ZDHHC20: variants seen among roughly 807,000 people sequenced by gnomAD.
ZDHHC20 encodes zDHHC palmitoyltransferase 20.
A neutral mutation model predicts 57.8 loss-of-function variants in ZDHHC20; 43 were observed. The observed-to-expected ratio is 0.74, with a 90% CI of 0.58 to 0.96. The LOEUF is 0.96. Ranked by LOEUF, ZDHHC20 falls within the 40% of genes least tolerant of loss-of-function variation. The pLI, the probability that ZDHHC20 is intolerant of heterozygous loss-of-function variation, is 0.00. For missense variants in ZDHHC20, 391 were observed against 441.1 expected, an observed-to-expected ratio of 0.89 and a Z score of 1.02; for synonymous variants, 157 against 153.0, an observed-to-expected ratio of 1.03 and a Z score of -0.19.
chr13:21,414,078 TA>T (rs1566089530), intron 3 of ZDHHC20, among the ~76,000 whole-genome samples: 1 of 152,166 alleles, frequency 6.6e-6, no homozygotes, highest in African/African-American at 2.4e-5. Flanking sequence ...TCTCCATTAG[TA>T]AAAATTTTAG....
chr13:21,436,055 A>G (rs1882508093), intron 1 of ZDHHC20, among the ~76,000 whole-genome samples: 1 of 152,252 alleles, frequency 6.6e-6, no homozygotes, highest in African/African-American at 2.4e-5. Flanking sequence ...ACCTTGGGTG[A>G]TATGAGTCAT....
chr13:21,429,023 T>C (rs1881617444), intron 1 of ZDHHC20, among the ~76,000 whole-genome samples: 2 of 152,206 alleles, frequency 1.3e-5, no homozygotes, highest in Admixed American at 6.5e-5. Flanking sequence ...ACAACATTAA[T>C]TTATGGTTCT....
chr13:21,437,695 ATT>A (rs36073800), intron 1 of ZDHHC20, among the ~76,000 whole-genome samples: 52 of 148,010 alleles, frequency 3.5e-4, no homozygotes, highest in Non-Finnish European at 4.0e-4. Flanking sequence ...GCTTTACTGA[ATT>A]TTTTTTTTTT....
chr13:21,376,609 C>A lies in ZDHHC20; in HGVS notation c.*87G>T. ...GTTATTTCATTCCACTGATCATTTT[C>A]TTGCAAATGAAAATTGAAAATACCA... is the stretch of plus-strand genomic sequence containing the variant. On this transcript the variant is annotated 3_prime_UTR_variant, in exon 13 of 13. Coordinates refer to ENST00000400590, the MANE Select transcript of ZDHHC20 (RefSeq NM_001330059.2). The A allele has an allele frequency of 7.3e-7, 1 of 1,370,600 alleles. No homozygotes were observed. The highest frequency in any genetic ancestry group is 1.4e-5 in the South Asian group (1 of 70,864). The allele number at this position is 1,370,600 out of a possible 1,614,324, so 84.9% of individuals were successfully genotyped here. A position where few individuals can be genotyped will look rare whatever the true frequency, so the allele number is the denominator to read the frequency against.
At chr13:21,448,289 C>T (rs1884017408) in intron 1 of ZDHHC20, among the ~76,000 whole-genome samples, 1 of 89,322 alleles carries the variant, frequency 1.1e-5, no homozygotes, top group African/African-American at 3.7e-5. Flanking sequence ...GCCCCTCTGC[C>T]CGGCCAGCCG....
intron 1 of ZDHHC20, among the ~76,000 whole-genome samples, chr13:21,427,645 C>A (rs926119117): frequency 6.6e-6 from 1 of 151,988 alleles, no homozygotes; most frequent in Non-Finnish European, 1.5e-5. Context: ...ACCAGCCTGA[C>A]CAACATGGTG....
chr13:21,440,558 C>A (rs931939442), intron 1 of ZDHHC20, among the ~76,000 whole-genome samples: 4 of 152,038 alleles, frequency 2.6e-5, no homozygotes, highest in African/African-American at 4.8e-5. Flanking sequence ...TTGCAGTGAG[C>A]CGAGATCATG....
At chr13:21,389,075 C>T (rs1021879643) in intron 8 of ZDHHC20, among the ~76,000 whole-genome samples, 5 of 152,126 alleles carry the variant, frequency 3.3e-5, no homozygotes, top group Non-Finnish European at 7.4e-5. Context: ...CTCTTCAGTT[C>T]TAAGCGATTA....
intron 5 of ZDHHC20, 60 bp from the exon 6 acceptor site, chr13:21,401,745 T>C: frequency 1.4e-6 from 2 of 1,418,314 alleles, no homozygotes; most frequent in Non-Finnish European, 1.9e-6. Context: ...TTCTAACTTC[T>C]CATAATTTTC....
In ZDHHC20 at chr13:21,376,618, G is replaced by T; in HGVS notation, c.*78C>A. ...TTCCACTGATCATTTTCTTGCAAAT[G>T]AAAATTGAAAATACCAGTCTATAAT... is the stretch of plus-strand genomic sequence containing the variant. On this transcript the variant is annotated 3_prime_UTR_variant, in exon 13 of 13. Coordinates refer to ENST00000400590, the MANE Select transcript of ZDHHC20 (RefSeq NM_001330059.2). 1.5e-6 allele frequency: 2 copies of T among 1,374,976 alleles called. No homozygotes were observed. The highest frequency in any genetic ancestry group is 2.8e-5 in the South Asian group (2 of 70,972). 85.2% of individuals were successfully genotyped at this position (1,374,976 alleles called of 1,614,324 possible). A position where few individuals can be genotyped will look rare whatever the true frequency, so the allele number is the denominator to read the frequency against.
At chr13:21,379,447 A>G (rs1414960813) in intron 11 of ZDHHC20, among the ~76,000 whole-genome samples, 1 of 151,808 alleles carries the variant, frequency 6.6e-6, no homozygotes, top group Admixed American at 6.6e-5. Flanking sequence ...AGGCCTAGAA[A>G]ATTTTTTTCC....
intron 4 of ZDHHC20, among the ~76,000 whole-genome samples, chr13:21,404,984 A>G (rs1321149304): frequency 6.6e-6 from 1 of 152,214 alleles, no homozygotes; most frequent in Non-Finnish European, 1.5e-5. Flanking sequence ...GTTAATATTT[A>G]GCTATTTGAT....
chr13:21,424,780 T>A (rs924837192), intron 2 of ZDHHC20, among the ~76,000 whole-genome samples: 15 of 151,824 alleles, frequency 9.9e-5, no homozygotes, highest in African/African-American at 3.6e-4. Context: ...AAGTTAAAAG[T>A]TCTTTTATAA....
chr13:21,391,012 A>G (rs1052916299), intron 8 of ZDHHC20, among the ~76,000 whole-genome samples: 1 of 152,108 alleles, frequency 6.6e-6, no homozygotes, highest in East Asian at 1.9e-4. Context: ...AACTTCCTTA[A>G]AGCATGTAAA....
At chr13:21,410,314 G>A (rs1249634301) in intron 4 of ZDHHC20, among the ~76,000 whole-genome samples, 2 of 152,204 alleles carry the variant, frequency 1.3e-5, no homozygotes, top group African/African-American at 4.8e-5. Flanking sequence ...TGTATGAGGT[G>A]TCTCCCAGTC....
intron 3 of ZDHHC20, among the ~76,000 whole-genome samples, chr13:21,415,665 G>C (rs187239691): frequency 6.6e-6 from 1 of 152,132 alleles, no homozygotes; most frequent in African/African-American, 2.4e-5. Flanking sequence ...TCTTTTAAGA[G>C]AATTTTAACT....
Position 21,459,281 on chromosome 13 carries a change from T to C in ZDHHC20, c.-110A>G. 1.3e-6 allele frequency: 1 copy of C among 774,016 alleles called. No homozygotes were observed. Among genetic ancestry groups the C allele is most frequent in the Non-Finnish European group, 2.0e-6 (1 of 511,562 alleles). The allele number at this position is 774,016 out of a possible 1,614,324, so 47.9% of individuals were successfully genotyped here. ...CGGCTGCTGGTCCAGCTCCCCCGCC[T>C]CCGAGGCAGGACTTGTGGGAGCAAA... On this transcript the variant is annotated 5_prime_UTR_variant, in exon 1 of 13. Transcript: ENST00000400590.
At chr13:21,458,451 T>C (rs1222561337) in intron 1 of ZDHHC20, among the ~76,000 whole-genome samples, 4 of 151,850 alleles carry the variant, frequency 2.6e-5, no homozygotes, top group Admixed American at 2.0e-4. Flanking sequence ...GGATTCAGAG[T>C]AGAAATAAAC....
rs891644562 is a variant in ZDHHC20 at position 21,374,489 on chromosome 13, C to A, written c.*2207G>T. On this transcript the variant is annotated 3_prime_UTR_variant, in exon 13 of 13. Coordinates refer to ENST00000400590, the MANE Select transcript of ZDHHC20 (RefSeq NM_001330059.2). ...ACCTCAGGTGATCCGCCAGCCTTGG[C>A]CTCCCAAAGTGCTGGGATTACAGGC... 5 of 453,042 alleles carry A rather than the reference C, an allele frequency of 1.1e-5. No individual in the cohort carries two copies. The highest frequency in any genetic ancestry group is 1.8e-5 in the Non-Finnish European group (4 of 225,488). The allele number at this position is 453,042 out of a possible 1,614,324, so 28.1% of individuals were successfully genotyped here.
Sources: gnomAD v4.1 joint callset for allele counts (sites outside exome capture counted in the v4.1 genomes callset) on GRCh38, gnomAD v4.1.1 for gene constraint, MANE v1.5 for transcripts, NCBI Gene and HGNC (gene_info 2026-07-23, HGNC 2026-07-21) for gene names.